AFG1L: variants seen among roughly 807,000 people sequenced by gnomAD.
The protein encoded by AFG1L is AFG1-like ATPase.
In AFG1L, 53 loss-of-function variants were observed where a neutral mutation model predicts 62.2. The observed-to-expected ratio is 0.85, with a 90% CI of 0.68 to 1.07. The LOEUF is 1.07. Among genes scored for constraint, AFG1L ranks in the 50% least tolerant of loss-of-function variants. The pLI, the probability that AFG1L is intolerant of heterozygous loss-of-function variation, is 0.00. For missense variants in AFG1L, 555 were observed against 590.5 expected (o/e 0.94, Z 0.62); for synonymous variants, 228 against 210.3 (o/e 1.08, Z -0.73).
intron 10 of AFG1L, among the ~76,000 whole-genome samples, chr6:108,509,711 T>C (rs994882941): frequency 6.6e-6 from 1 of 152,202 alleles, no homozygotes; most frequent in African/African-American, 2.4e-5. Context: ...GTGTATGTTA[T>C]CTGTGTCCTT....
chr6:108,493,877 C>T (rs923118357), intron 10 of AFG1L, among the ~76,000 whole-genome samples: 3 of 152,154 alleles, frequency 2.0e-5, no homozygotes, highest in Non-Finnish European at 2.9e-5. Context: ...CTCACTGTCA[C>T]TCAGGCTGGA....
intron 1 of AFG1L, among the ~76,000 whole-genome samples, chr6:108,296,366 TAGTC>T (rs1674316255): frequency 6.6e-6 from 1 of 152,184 alleles, no homozygotes; most frequent in Non-Finnish European, 1.5e-5. Flanking sequence ...TCATTTTTGG[TAGTC>T]AATAAAAGCA....
chr6:108,363,397 C>T (rs1252711363), intron 5 of AFG1L, among the ~76,000 whole-genome samples: 1 of 152,114 alleles, frequency 6.6e-6, no homozygotes, highest in Non-Finnish European at 1.5e-5. Context: ...CAAGTAGGCG[C>T]ATTTCAGTTT....
In AFG1L at chr6:108,523,300, A is replaced by T. The variant is rs2114925736; in HGVS notation, c.*875A>T. On this transcript the variant is annotated 3_prime_UTR_variant, in exon 13 of 13. Coordinates refer to ENST00000368977, the MANE Select transcript of AFG1L (RefSeq NM_145315.5). ...TGTTGTAGACACTTGCTCTCCTTGC[A>T]GCATGCTGCCCCCGCCCTTGCCGCC... 6.6e-6 allele frequency: 1 copy of T among 152,438 alleles called. No individual in the cohort carries two copies. Among genetic ancestry groups the T allele is most frequent in the Non-Finnish European group, 1.5e-5 (1 of 68,118 alleles). 9.4% of individuals were successfully genotyped at this position (152,438 alleles called of 1,614,324 possible).
At chr6:108,481,688 A>G (rs981434436) in intron 10 of AFG1L, among the ~76,000 whole-genome samples, 35 of 152,364 alleles carry the variant, frequency 2.3e-4, no homozygotes, top group African/African-American at 7.9e-4. Context: ...CTTTGAGAAC[A>G]TGTCTTTTGA....
intron 10 of AFG1L, among the ~76,000 whole-genome samples, chr6:108,488,453 G>C (rs983170939): frequency 6.6e-6 from 1 of 152,140 alleles, no homozygotes; most frequent in African/African-American, 2.4e-5. Flanking sequence ...CAAAGGTTGG[G>C]GGGAGTATGA....
chr6:108,453,342 A>AT (rs1231432785), intron 8 of AFG1L, among the ~76,000 whole-genome samples: 1 of 152,188 alleles, frequency 6.6e-6, no homozygotes, highest in Non-Finnish European at 1.5e-5. Flanking sequence ...TCAAAAAAAA[A>AT]GTTTTTTCTT....
intron 10 of AFG1L, among the ~76,000 whole-genome samples, chr6:108,509,647 C>T (rs1324446701): frequency 2.0e-5 from 3 of 152,156 alleles, no homozygotes; most frequent in Admixed American, 6.5e-5. Context: ...AACTCCCCAC[C>T]GCACTCTTGT....
chr6:108,452,883 C>T (rs1582610095), intron 8 of AFG1L, among the ~76,000 whole-genome samples: 1 of 152,274 alleles, frequency 6.6e-6, no homozygotes, highest in African/African-American at 2.4e-5. Flanking sequence ...CATTTTATAG[C>T]CAGACATAAG....
chr6:108,450,082 A>T (rs1771988249), intron 8 of AFG1L, among the ~76,000 whole-genome samples: 2 of 152,240 alleles, frequency 1.3e-5, no homozygotes. Flanking sequence ...GTGTCTTTAT[A>T]GCAGCATGAT....
intron 6 of AFG1L, among the ~76,000 whole-genome samples, chr6:108,394,373 T>C (rs895695589): frequency 1.3e-5 from 2 of 152,030 alleles, no homozygotes; most frequent in Non-Finnish European, 2.9e-5. Flanking sequence ...GGTCTTGAAC[T>C]CCTGACCTCA....
chr6:108,391,121 T>TGGGTAGATATCCAAGAGTGGG (rs1167700606), intron 6 of AFG1L, among the ~76,000 whole-genome samples: 2 of 152,176 alleles, frequency 1.3e-5, no homozygotes, highest in African/African-American at 4.8e-5. Flanking sequence ...TCTTTTCCTC[T>TGGGTAGATATCCAAGAGTGGG]GGGTAGATAT....
chr6:108,406,899 C>T (rs904892937), intron 7 of AFG1L, among the ~76,000 whole-genome samples: 1 of 152,120 alleles, frequency 6.6e-6, no homozygotes, highest in African/African-American at 2.4e-5. Context: ...CCTTTACTAC[C>T]AGATATAGCT....
rs538705864 is a variant in AFG1L, at chr6:108,522,355, G to T, written c.1376G>T (p.Arg459Leu). The change falls in exon 13 of 13, where the codon CGC becomes CTC. Residue 459 changes from arginine (R) to leucine (L), a missense_variant. Arg to Leu is a moderately radical substitution (Grantham distance 102). Coordinates refer to ENST00000368977, the MANE Select transcript of AFG1L (RefSeq NM_145315.5). ...GAAGAGGAAATCTTTGCATTTCAGCGCACAATTTCCCGACTCACGGAAATG... is the reference window on the plus strand; with the variant it reads ...GAAGAGGAAATCTTTGCATTTCAGCTCACAATTTCCCGACTCACGGAAATG... Reference protein sequence around the residue: ...TGEEEIFAFQRTISRLTEMQT... With the variant: ...TGEEEIFAFQLTISRLTEMQT... 4.3e-6 allele frequency: 7 copies of T among 1,613,808 alleles called. No individual in the cohort carries two copies. In the South Asian group the frequency reaches 7.7e-5, roughly 18 times the overall value.
chr6:108,510,253 T>G lies in AFG1L; in HGVS notation c.1104T>G (p.Phe368Leu), dbSNP rs368872503. 6 of 1,612,160 alleles carry G rather than the reference T, an allele frequency of 3.7e-6. No homozygotes were observed. In the African/African-American group the frequency reaches 5.3e-5, roughly 14 times the overall value. The part of the protein sequence containing the change: ...ASDYLELSKN[F>L]DTIFLRNIPQ... ...ACTATTTGGAACTATCAAAGAATTT[T>G]GATACAATATTTTTACGAAACATTC... Residue 368 changes from phenylalanine (F) to leucine (L), a missense_variant, in exon 11 of 13, where the codon TTT becomes TTG. Coordinates refer to ENST00000368977, the MANE Select transcript of AFG1L (RefSeq NM_145315.5).
chr6:108,346,909 G>C (rs1778883628), intron 2 of AFG1L, 79 bp from the exon 3 acceptor site: 1 of 1,071,518 alleles, frequency 9.3e-7, no homozygotes, highest in Non-Finnish European at 1.4e-6. Context: ...CTGTATATAG[G>C]ACAGTTAGGA....
At chr6:108,345,915 G>C (rs1778846098) in intron 2 of AFG1L, among the ~76,000 whole-genome samples, 1 of 152,122 alleles carries the variant, frequency 6.6e-6, no homozygotes, top group Admixed American at 6.6e-5. Flanking sequence ...TTTATCTGGA[G>C]ATCATTCAGT....
At chr6:108,466,752 T>TATA (rs778780210) in intron 8 of AFG1L, among the ~76,000 whole-genome samples, 86,870 of 137,164 alleles carry the variant, frequency 0.63, 27,862 homozygotes, top group African/African-American at 0.88. Flanking sequence ...TTAAAATATA[T>TATA]TTGTTAAAAT....
In AFG1L at chr6:108,485,539, T is replaced by C. The variant is rs1028674232; in HGVS notation, c.1062+8247T>C. Among the ~76,000 whole-genome samples, 30 of 147,674 alleles carry C rather than the reference T, an allele frequency of 2.0e-4. 1 individual carries two copies. The highest frequency in any genetic ancestry group is 7.0e-4 in the African/African-American group (28 of 40,012). On this transcript the variant is annotated intron_variant, in intron 10 of 12. Coordinates refer to ENST00000368977, the MANE Select transcript of AFG1L (RefSeq NM_145315.5). ...GAAAGTATGAGAAACTAATATTTAATATTTGCCTCAGTCTTTGAGAGGAAT... is the reference window on the plus strand; with the variant it reads ...GAAAGTATGAGAAACTAATATTTAACATTTGCCTCAGTCTTTGAGAGGAAT...
Sources: allele counts gnomAD v4.1 joint callset (sites outside exome capture counted in the v4.1 genomes callset), GRCh38; gene constraint gnomAD v4.1.1; transcripts MANE v1.5; gene names NCBI Gene and HGNC (gene_info 2026-07-23, HGNC 2026-07-21).